Variants in SLCO3A1 observed in about 807,000 individuals in gnomAD.
SLCO3A1 encodes the protein PGE1 transporter.
SLCO3A1 carries 27 observed loss-of-function variants against 63.1 expected under a neutral mutation model. That is an observed-to-expected ratio of 0.43 (90% confidence interval 0.32 to 0.59). SLCO3A1 has a LOEUF of 0.59. SLCO3A1 is among the 20% of genes least tolerant of loss of function. The pLI is 0.09. For synonymous variants in SLCO3A1, 473 were observed against 409.9 expected, an observed-to-expected ratio of 1.15 and a Z score of -1.86; for missense variants, 773 against 945.8, an observed-to-expected ratio of 0.82 and a Z score of 2.40.
chr15:91,892,880 A>C (rs1189014097), intron 1 of SLCO3A1, among the ~76,000 whole-genome samples: 1 of 152,236 alleles, frequency 6.6e-6, no homozygotes, highest in Non-Finnish European at 1.5e-5. Flanking sequence ...CTAATGTCAC[A>C]ATAAAATGAA....
intron 2 of SLCO3A1, among the ~76,000 whole-genome samples, chr15:91,930,705 G>T (rs1490501764): frequency 1.3e-5 from 2 of 152,232 alleles, no homozygotes; most frequent in Non-Finnish European, 2.9e-5. Flanking sequence ...GTCTGTAGGA[G>T]TAATAATAAA....
At chr15:92,091,702 C>G (rs150572447) in intron 2 of SLCO3A1, among the ~76,000 whole-genome samples, 1 of 152,110 alleles carries the variant, frequency 6.6e-6, no homozygotes, top group African/African-American at 2.4e-5. Context: ...CCTTGAGGTC[C>G]GTGTGACGAG....
At chr15:91,945,956 T>C (rs1156816091) in intron 2 of SLCO3A1, among the ~76,000 whole-genome samples, 1 of 152,242 alleles carries the variant, frequency 6.6e-6, no homozygotes, top group Non-Finnish European at 1.5e-5. Context: ...CTAGAGCTTT[T>C]CACTTTCTCA....
At chr15:92,166,589 T>TA (rs2048494921), downstream of SLCO3A1, among the ~76,000 whole-genome samples, 1 of 152,134 alleles carries the variant, frequency 6.6e-6, no homozygotes, top group South Asian at 2.1e-4. Context: ...TCCCAGCCCT[T>TA]ACAGTCAAAA....
At chr15:92,049,170 C>T (rs1555427899) in intron 2 of SLCO3A1, among the ~76,000 whole-genome samples, 2 of 152,170 alleles carry the variant, frequency 1.3e-5, no homozygotes, top group Non-Finnish European at 2.9e-5. Context: ...GGATAGTTTA[C>T]AGGCAGGTCG....
At chr15:92,005,625 G>T (rs914467388) in intron 2 of SLCO3A1, among the ~76,000 whole-genome samples, 11 of 152,280 alleles carry the variant, frequency 7.2e-5, no homozygotes, top group Non-Finnish European at 1.2e-4. Context: ...AATGCCAGCT[G>T]CCCAGCCTCT....
At chr15:91,980,124 G>A (rs1366769847) in intron 2 of SLCO3A1, among the ~76,000 whole-genome samples, 2 of 152,124 alleles carry the variant, frequency 1.3e-5, no homozygotes, top group Non-Finnish European at 2.9e-5. Flanking sequence ...CTTCCTGACT[G>A]CATTGTTAAC....
At chr15:91,960,594 A>G (rs548867938) in intron 2 of SLCO3A1, among the ~76,000 whole-genome samples, 12 of 152,242 alleles carry the variant, frequency 7.9e-5, no homozygotes, top group African/African-American at 2.2e-4. Context: ...TGAGAGAGCT[A>G]TTTTACTTAT....
intron 1 of SLCO3A1, among the ~76,000 whole-genome samples, chr15:91,858,005 T>A (rs1403299403): frequency 6.6e-6 from 1 of 152,186 alleles, no homozygotes; most frequent in Non-Finnish European, 1.5e-5. Flanking sequence ...TGAGTGTGGT[T>A]AATGAGGCTC....
chr15:92,050,258 T>C (rs1450659071), intron 2 of SLCO3A1, among the ~76,000 whole-genome samples: 1 of 152,204 alleles, frequency 6.6e-6, no homozygotes, highest in Non-Finnish European at 1.5e-5. Context: ...TGCACCTCTG[T>C]GGGCTGGGCA....
At chr15:91,963,685 G>A (rs767516882) in intron 2 of SLCO3A1, among the ~76,000 whole-genome samples, 3 of 152,054 alleles carry the variant, frequency 2.0e-5, no homozygotes, top group Non-Finnish European at 4.4e-5. Context: ...TGTTCCTTCC[G>A]AGGTTCAGAT....
In SLCO3A1 at chr15:91,963,416, G is replaced by GC. The variant is rs1900533767; in HGVS notation, c.646+46958_646+46959insC. Among the ~76,000 whole-genome samples the GC allele has an allele frequency of 3.4e-3, 460 of 133,594 alleles. 7 individuals carry two copies. Among genetic ancestry groups the GC allele is most frequent in the African/African-American group, 0.012 (452 of 36,542 alleles). 87.6% of individuals were successfully genotyped at this position (133,594 alleles called of 152,430 possible). A position where few individuals can be genotyped will look rare whatever the true frequency, so the allele number is the denominator to read the frequency against. On this transcript the variant is annotated intron_variant, in intron 2 of 9. Transcript: ENST00000318445. ...GTTTAACTCGGGGAGGGTGGGGGGG[G>GC]GGGGCGGCAGCAGCCTGGGGCTGAT...
At chr15:92,068,603 G>T (rs939966351) in intron 2 of SLCO3A1, among the ~76,000 whole-genome samples, 1 of 152,112 alleles carries the variant, frequency 6.6e-6, no homozygotes, top group Admixed American at 6.5e-5. Flanking sequence ...GCTTGCTGGG[G>T]CCACAACGCT....
At chr15:91,946,754 G>A (rs1197800667) in intron 2 of SLCO3A1, among the ~76,000 whole-genome samples, 1 of 152,170 alleles carries the variant, frequency 6.6e-6, no homozygotes, top group Non-Finnish European at 1.5e-5. Context: ...AGAACCCCCA[G>A]TTCCCAGTTT....
chr15:91,998,650 C>T (rs1445753663), intron 2 of SLCO3A1, among the ~76,000 whole-genome samples: 1 of 152,158 alleles, frequency 6.6e-6, no homozygotes, highest in African/African-American at 2.4e-5. Context: ...CAGACGCTGG[C>T]AAGGCTATGG....
chr15:91,998,002 T>G (rs570234376), intron 2 of SLCO3A1, among the ~76,000 whole-genome samples: 17 of 152,092 alleles, frequency 1.1e-4, no homozygotes, highest in African/African-American at 4.1e-4. Flanking sequence ...AAAAACAAAT[T>G]AACTAAAGAG....
intron 4 of SLCO3A1, among the ~76,000 whole-genome samples, chr15:92,107,598 C>G (rs1180793343): frequency 2.0e-5 from 3 of 152,224 alleles, no homozygotes; most frequent in Non-Finnish European, 4.4e-5. Flanking sequence ...ACTGACATTG[C>G]TCCTAAAACC....
At chr15:92,098,187 A>G (rs1374697364) in intron 3 of SLCO3A1, 1 of 152,516 alleles carries the variant, frequency 6.6e-6, no homozygotes, top group Non-Finnish European at 1.5e-5. Flanking sequence ...GCCAGCATTG[A>G]GAGGAGAATC....
chr15:92,046,523 C>G (rs1321018460), intron 2 of SLCO3A1, among the ~76,000 whole-genome samples: 1 of 152,078 alleles, frequency 6.6e-6, no homozygotes, highest in African/African-American at 2.4e-5. Context: ...GAGTGAGACT[C>G]TGTCTCAAAA....
Sources: gnomAD v4.1 joint callset for allele counts (sites outside exome capture counted in the v4.1 genomes callset) on GRCh38, gnomAD v4.1.1 for gene constraint, MANE v1.5 for transcripts, NCBI Gene and HGNC (gene_info 2026-07-23, HGNC 2026-07-21) for gene names.